APIP: variants seen among roughly 807,000 people sequenced by gnomAD.
APIP encodes APAF1 interacting protein, also known as methylthioribulose-1-phosphate dehydratase.
APIP carries 32 observed loss-of-function variants against 32.0 expected under a neutral mutation model. That is an observed-to-expected ratio of 1.00 (90% confidence interval 0.76 to 1.34). The LOEUF (loss-of-function observed/expected upper bound fraction) is 1.34, where lower values mean the gene tolerates loss of function less well. APIP is among the 40% of genes most tolerant of loss of function. APIP has a pLI of 0.00. For missense variants in APIP, 247 were observed against 298.6 expected, an observed-to-expected ratio of 0.83 and a Z score of 1.27; for synonymous variants, 92 against 94.8, an observed-to-expected ratio of 0.97 and a Z score of 0.17.
chr11:34,886,561 T>A (rs1447904211), intron 5 of APIP, among the ~76,000 whole-genome samples: 2 of 152,228 alleles, frequency 1.3e-5, no homozygotes. Context: ...TCTATAGTAG[T>A]GTAATGTCCT....
intron 4 of APIP, 94 bp from the exon 5 acceptor site, chr11:34,888,522 A>T (rs1197913244): frequency 1.3e-6 from 2 of 1,528,964 alleles, no homozygotes; most frequent in Non-Finnish European, 1.7e-6. Flanking sequence ...ATATTTACAT[A>T]TGGTTATGGG....
intron 1 of APIP, among the ~76,000 whole-genome samples, chr11:34,903,888 C>T (rs1205137503): frequency 1.3e-5 from 2 of 152,218 alleles, no homozygotes; most frequent in Admixed American, 6.5e-5. Flanking sequence ...TCCTTAAAAT[C>T]CTTCACCAAG....
intron 2 of APIP, among the ~76,000 whole-genome samples, chr11:34,893,785 C>G (rs1853218760): frequency 6.6e-6 from 1 of 152,190 alleles, no homozygotes; most frequent in Admixed American, 6.5e-5. Flanking sequence ...ATTATAATGG[C>G]ATCATCTTGT....
rs1255067538 is a variant in APIP at position 34,909,762 on chromosome 11, C to T, written c.57+6466G>A. 7.2e-5 allele frequency among the ~76,000 whole-genome samples: 11 copies of T among 152,090 alleles called. 1 individual carries two copies. In the East Asian group the frequency reaches 2.1e-3, roughly 29 times the overall value. On this transcript the variant is annotated intron_variant, in intron 1 of 6. Transcript: ENST00000395787. Reference sequence around the variant, plus strand: ...AGTCTTACCAGAAAGGAAATGATTCCTAATAGGAGACACGGGGAGAAGGAG... The same window carrying T: ...AGTCTTACCAGAAAGGAAATGATTCTTAATAGGAGACACGGGGAGAAGGAG...
Position 34,916,331 on chromosome 11 carries a change from G to C in APIP, c.-47C>G, listed in dbSNP as rs753186558. 1 of 1,604,462 alleles carries C rather than the reference G, an allele frequency of 6.2e-7. No individual in the cohort carries two copies. The highest frequency in any genetic ancestry group is 1.1e-5 in the South Asian group (1 of 89,762). On this transcript the variant is annotated 5_prime_UTR_variant, in exon 1 of 7. Transcript: ENST00000395787. ...CGGCCTCCAATCTCCGCACGGCTTTGCGCGCGGCGCTTAGCCTGGGATACG... is the reference window on the plus strand; with the variant it reads ...CGGCCTCCAATCTCCGCACGGCTTTCCGCGCGGCGCTTAGCCTGGGATACG...
chr11:34,888,904 G>T (rs756352379), intron 3 of APIP, 35 bp from the exon 4 acceptor site: 7 of 1,256,448 alleles, frequency 5.6e-6, no homozygotes, highest in Non-Finnish European at 6.4e-6. Context: ...AAAAAAGAAG[G>T]CTTGTAAAAT....
At position 34,883,363 on chromosome 11, in the gene APIP, C is replaced by T. The variant is rs1479653343; in HGVS notation, c.603G>A (p.Gly201=). 3 of 1,611,636 alleles carry T rather than the reference C, an allele frequency of 1.9e-6. No individual in the cohort carries two copies. The change falls in exon 6 of 7, where the codon GGG becomes GGA. Residue 201 remains glycine (G), a synonymous_variant. Transcript: ENST00000395787. The stretch of plus-strand genomic sequence containing the variant: ...TGGTTTTGGCCTTCTCCCATGTTTC[C>T]CCCCACACATATACTCCATGACGTC... ...LVRRHGVYVW[G]ETWEKAKTMC...
chr11:34,883,337 A>C lies in APIP; in HGVS notation c.629T>G (p.Met210Arg), dbSNP rs763132696. 2.5e-6 allele frequency: 4 copies of C among 1,604,568 alleles called. No individual in the cohort carries two copies. The African/African-American group carries it at 5.4e-5, about 22-fold the overall frequency. Reference protein sequence around the residue: ...WGETWEKAKTMCECYDYLFDI... With the variant: ...WGETWEKAKTRCECYDYLFDI... The stretch of plus-strand genomic sequence containing the variant: ...CCCATGTTCTCTGATTTACACTCAC[A>C]TGGTTTTGGCCTTCTCCCATGTTTC... Residue 210 changes from methionine to arginine, a missense_variant and splice_region_variant, in exon 6 of 7, where the codon ATG (methionine) becomes AGG (arginine). Coordinates refer to ENST00000395787, the MANE Select transcript of APIP (RefSeq NM_015957.4).
intron 1 of APIP, among the ~76,000 whole-genome samples, chr11:34,898,370 T>C (rs1853314009): frequency 6.6e-6 from 1 of 152,102 alleles, no homozygotes; most frequent in South Asian, 2.1e-4. Flanking sequence ...ATTGGGAGTG[T>C]CGGCCGTGTT....
intron 1 of APIP, among the ~76,000 whole-genome samples, chr11:34,912,018 G>A (rs566574525): frequency 1.4e-3 from 215 of 152,210 alleles, no homozygotes; most frequent in Middle Eastern, 3.4e-3. Flanking sequence ...CGGTTTCTGA[G>A]TAAATGCTTT....
rs1243730565 is a variant in APIP at position 34,888,391 on chromosome 11, A to G, written c.363T>C (p.Ala121=). The change falls in exon 5 of 7, where the codon GCT becomes GCC. Residue 121 remains alanine, a synonymous_variant. Coordinates refer to ENST00000395787, the MANE Select transcript of APIP (RefSeq NM_015957.4). ...CTGGAAAGAGAAGTGTGGCCATCAC[A>G]GCAGCTTTAGAGTGGGTATGAATCA... ...GAVIHTHSKA[A]VMATLLFPGR... is the part of the protein sequence containing the mutation. The G allele has an allele frequency of 6.2e-7, 1 of 1,611,406 alleles. No homozygotes were observed. Among genetic ancestry groups the G allele is most frequent in the Non-Finnish European group, 8.5e-7 (1 of 1,178,856 alleles).
At chr11:34,912,558 T>C (rs1392009182) in intron 1 of APIP, among the ~76,000 whole-genome samples, 1 of 152,178 alleles carries the variant, frequency 6.6e-6, no homozygotes, top group Non-Finnish European at 1.5e-5. Context: ...ACATTTTGAG[T>C]CAGTGGGCTG....
chr11:34,901,619 C>T (rs557071254), intron 1 of APIP, among the ~76,000 whole-genome samples: 1 of 152,302 alleles, frequency 6.6e-6, no homozygotes, highest in East Asian at 1.9e-4. Flanking sequence ...CAACCTCTTA[C>T]CTGCAGATGG....
intron 1 of APIP, among the ~76,000 whole-genome samples, chr11:34,898,337 AC>A (rs1368742878): frequency 2.0e-5 from 3 of 151,734 alleles, no homozygotes; most frequent in Non-Finnish European, 4.4e-5. Flanking sequence ...AACACGGAGA[AC>A]CCCCCTCAAT....
At chr11:34,900,943 A>G (rs1462589944) in intron 1 of APIP, among the ~76,000 whole-genome samples, 1 of 152,070 alleles carries the variant, frequency 6.6e-6, no homozygotes, top group Non-Finnish European at 1.5e-5. Flanking sequence ...CTAATAAAAC[A>G]TACCTATTTA....
intron 1 of APIP, among the ~76,000 whole-genome samples, chr11:34,898,071 G>A (rs758851260): frequency 4.6e-5 from 7 of 152,020 alleles, no homozygotes; most frequent in South Asian, 2.1e-4. Context: ...AAATTGGTGC[G>A]AGACAAAGGG....
chr11:34,887,015 C>CGAA (rs1853084672), intron 5 of APIP, among the ~76,000 whole-genome samples: 1 of 152,066 alleles, frequency 6.6e-6, no homozygotes, highest in Non-Finnish European at 1.5e-5. Flanking sequence ...TTTTAAACTC[C>CGAA]ATCCTTTCTT....
At chr11:34,898,684 C>T (rs988002624) in intron 1 of APIP, among the ~76,000 whole-genome samples, 1 of 151,950 alleles carries the variant, frequency 6.6e-6, no homozygotes, top group Non-Finnish European at 1.5e-5. Flanking sequence ...CCGCTCCCAC[C>T]CAGAGTGAGC....
At chr11:34,905,371 A>T (rs1373099529) in intron 1 of APIP, among the ~76,000 whole-genome samples, 1 of 152,142 alleles carries the variant, frequency 6.6e-6, no homozygotes, top group Non-Finnish European at 1.5e-5. Context: ...ACTTACAATG[A>T]CCCAGAATTC....
Sources: allele counts gnomAD v4.1 joint callset (sites outside exome capture counted in the v4.1 genomes callset), GRCh38; gene constraint gnomAD v4.1.1; transcripts MANE v1.5; gene names NCBI Gene and HGNC (gene_info 2026-07-23, HGNC 2026-07-21).